Variants in ORC6 observed in about 807,000 individuals in gnomAD.
ORC6 encodes the protein origin recognition complex subunit 6, also known as origin recognition complex, subunit 6 homolog-like (yeast).
Under a neutral mutation model 30.0 loss-of-function variants are expected in ORC6, and 31 were observed. That is an observed-to-expected ratio of 1.03 (90% CI 0.78 to 1.40). ORC6 has a LOEUF of 1.40. ORC6 is among the 40% of genes most tolerant of loss of function. The pLI is 0.00. For missense variants in ORC6, 340 were observed against 304.3 expected (o/e 1.12, Z -0.87); for synonymous variants, 136 against 111.2 (o/e 1.22, Z -1.40).
At position 46,695,622 on chromosome 16, in the gene ORC6, T is replaced by G. The variant is rs1041955399; in HGVS notation, c.510T>G (p.Ala170=). Residue 170 remains alanine (A), a synonymous_variant, in exon 5 of 7, where the codon GCT becomes GCG. Transcript: ENST00000219097. Reference sequence around the variant, plus strand: ...TAGCCACATCCGGTGTAAAAAAAGCTATATTTGATCGACTGTGTAAACAAC... The same window carrying G: ...TAGCCACATCCGGTGTAAAAAAAGCGATATTTGATCGACTGTGTAAACAAC... ...KMVATSGVKK[A]IFDRLCKQLE... 1.2e-6 allele frequency: 2 copies of G among 1,613,784 alleles called. No homozygotes were observed. Among genetic ancestry groups the G allele is most frequent in the Non-Finnish European group, 1.7e-6 (2 of 1,179,802 alleles).
Position 46,691,028 on chromosome 16 carries a change from T to C in ORC6, c.103T>C (p.Cys35Arg), listed in dbSNP as rs1178156604. The C allele has an allele frequency of 2.5e-6, 4 of 1,614,242 alleles. No homozygotes were observed. Among genetic ancestry groups the C allele is most frequent in the Non-Finnish European group, 3.4e-6 (4 of 1,180,028 alleles). ...GTACTTGCGCCTGTCCCGGGTGAAGTGTGTCGGCCTCTCCGCACGCACCAC... is the reference window on the plus strand; with the variant it reads ...GTACTTGCGCCTGTCCCGGGTGAAGCGTGTCGGCCTCTCCGCACGCACCAC... Reference protein sequence around the residue: ...EEYLRLSRVKCVGLSARTTET... With the variant: ...EEYLRLSRVKRVGLSARTTET... The change falls in exon 2 of 7, where the codon TGT becomes CGT. Residue 35 changes from cysteine (C) to arginine (R), a missense_variant. Physicochemically the swap from Cys to Arg is radical, Grantham distance 180. Transcript: ENST00000219097.
intron 4 of ORC6, chr16:46,695,292 C>A: frequency 2.5e-6 from 1 of 395,760 alleles, no homozygotes; most frequent in South Asian, 2.8e-5. Flanking sequence ...CTGAGATTTA[C>A]TAAAGAGTTC....
chr16:46,693,043 T>C (rs777450357), intron 3 of ORC6, 50 bp from the exon 4 acceptor site: 12 of 1,255,022 alleles, frequency 9.6e-6, no homozygotes, highest in African/African-American at 2.9e-5. Context: ...TTCAGTCTCT[T>C]TTCAAATAAT....
rs771379048 is a variant in ORC6 at position 46,689,703 on chromosome 16, G to T, written c.-3G>T. The T allele has an allele frequency of 6.3e-7, 1 of 1,599,866 alleles. No homozygotes were observed. Among genetic ancestry groups the T allele is most frequent in the African/African-American group, 1.3e-5 (1 of 74,932 alleles). On this transcript the variant is annotated 5_prime_UTR_variant, in exon 1 of 7. Coordinates refer to ENST00000219097, the MANE Select transcript of ORC6 (RefSeq NM_014321.4). ...GGGAATTGTTCGCTTTAGTGCCGGC[G>T]CCATGGGGTCGGAGCTGATCGGGCG...
At chr16:46,693,431 A>G (rs911632913) in intron 4 of ORC6, 1 of 555,674 alleles carries the variant, frequency 1.8e-6, no homozygotes, top group Admixed American at 3.1e-5. Flanking sequence ...TTCTGATTTC[A>G]GTCTGCCTTT....
At chr16:46,695,708 G>T in intron 5 of ORC6, 34 bp downstream of exon 5, 1 of 1,332,544 alleles carries the variant, frequency 7.5e-7, no homozygotes, top group South Asian at 1.2e-5. Context: ...TGCGTCATTT[G>T]AAAATGTAGT....
At position 46,697,868 on chromosome 16, in the gene ORC6, A is replaced by C. The variant is rs1306735264; in HGVS notation, c.*283A>C. On this transcript the variant is annotated 3_prime_UTR_variant, in exon 7 of 7. Transcript: ENST00000219097. Reference sequence around the variant, plus strand: ...AGTGGCTCACGCCTGTAATCCCAGCACTTTGGGAGGCCAAGGTGGGTGGAT... The same window carrying C: ...AGTGGCTCACGCCTGTAATCCCAGCCCTTTGGGAGGCCAAGGTGGGTGGAT... 2 of 487,820 alleles carry C rather than the reference A, an allele frequency of 4.1e-6. No homozygotes were observed. The highest frequency in any genetic ancestry group is 1.2e-4 in the East Asian group (2 of 17,276). The allele number at this position is 487,820 out of a possible 1,614,324, so 30.2% of individuals were successfully genotyped here. A position where few individuals can be genotyped will look rare whatever the true frequency, so the allele number is the denominator to read the frequency against.
At chr16:46,691,767 C>T (rs945194220) in intron 2 of ORC6, among the ~76,000 whole-genome samples, 1 of 152,108 alleles carries the variant, frequency 6.6e-6, no homozygotes, top group African/African-American at 2.4e-5. Context: ...AAATGCAATA[C>T]CTTGTTTTTT....
chr16:46,693,352 G>T, intron 4 of ORC6, 170 bp downstream of exon 4: 2 of 626,298 alleles, frequency 3.2e-6, no homozygotes, highest in South Asian at 3.7e-5. Context: ...CCATAATGTA[G>T]CTAACAACTT....
chr16:46,697,202 A>G lies in ORC6; in HGVS notation c.632-256A>G, dbSNP rs148168617. Among the ~76,000 whole-genome samples, 240 of 152,226 alleles carry G rather than the reference A, an allele frequency of 1.6e-3. 1 individual carries two copies. The highest frequency in any genetic ancestry group is 5.6e-3 in the African/African-American group (231 of 41,536). On this transcript the variant is annotated intron_variant, in intron 6 of 6. Transcript: ENST00000219097. ...AAAAGTGATAGCTAAGCTAGGTGTG[A>G]TAGTGTGAGCCTATAGTCCCAGCCA...
rs750652404 is a variant in ORC6 at position 46,697,582 on chromosome 16, G to A, written c.756G>A (p.Glu252=). The A allele has an allele frequency of 1.9e-5, 30 of 1,613,990 alleles. No homozygotes were observed. Among genetic ancestry groups the A allele is most frequent in the Middle Eastern group, 3.3e-4 (2 of 6,084 alleles). Residue 252 remains glutamate (E), a synonymous_variant, in exon 7 of 7, where the codon GAG becomes GAA. Coordinates refer to ENST00000219097, the MANE Select transcript of ORC6 (RefSeq NM_014321.4). Reference sequence around the variant, plus strand: ...CCAGTGCTCAAAAGGCTACAGCAGAGTGATTTCAGCTTCCAAACTGGTATA... The same window carrying A: ...CCAGTGCTCAAAAGGCTACAGCAGAATGATTTCAGCTTCCAAACTGGTATA... ...NAASAQKATA[E]
At chr16:46,693,936 AGTGGAGGGAAG>A (rs1966485396) in intron 4 of ORC6, 1 of 91,268 alleles carries the variant, frequency 1.1e-5, no homozygotes, top group African/African-American at 4.5e-5. Context: ...ATGGGACAAT[AGTGGAGGGAAG>A]GTCAGCAGAT....
chr16:46,696,727 C>G (rs1966521659), intron 6 of ORC6, among the ~76,000 whole-genome samples: 1 of 152,226 alleles, frequency 6.6e-6, no homozygotes, highest in Non-Finnish European at 1.5e-5. Flanking sequence ...ACGGTCTCGG[C>G]TCACTGCAGC....
intron 4 of ORC6, 60 bp from the exon 5 acceptor site, chr16:46,695,502 T>A (rs1035411099): frequency 4.1e-6 from 4 of 985,196 alleles, no homozygotes; most frequent in Non-Finnish European, 4.9e-6. Context: ...ATTATCTGGT[T>A]GCCCAGAGAA....
Position 46,692,374 on chromosome 16 carries a change from T to C in ORC6, c.196-8T>C. 1 of 1,611,010 alleles carries C rather than the reference T, an allele frequency of 6.2e-7. No homozygotes were observed. The highest frequency in any genetic ancestry group is 8.5e-7 in the Non-Finnish European group (1 of 1,177,524). On this transcript the variant is annotated splice_polypyrimidine_tract_variant and splice_region_variant and intron_variant, in intron 2 of 6. Coordinates refer to ENST00000219097, the MANE Select transcript of ORC6 (RefSeq NM_014321.4). ...TTATGATTTGTGTATGTGTTTTTCC[T>C]TTCACAGGCTTATTTAATTAAACTT...
At position 46,696,009 on chromosome 16, in the gene ORC6, T is replaced by G; in HGVS notation, c.563-8T>G. The G allele has an allele frequency of 6.2e-7, 1 of 1,607,206 alleles. No individual in the cohort carries two copies. Among genetic ancestry groups the G allele is most frequent in the South Asian group, 1.1e-5 (1 of 90,936 alleles). ...GAGAAAAATTAACCTTGATAACACT[T>G]CTTAAAGGAGAACCTGGAGATGTAG... On this transcript the variant is annotated splice_region_variant and splice_polypyrimidine_tract_variant and intron_variant, in intron 5 of 6. Transcript: ENST00000219097.
At chr16:46,691,161 C>T (rs755337677) in intron 2 of ORC6, 41 bp downstream of exon 2, 3 of 1,604,400 alleles carry the variant, frequency 1.9e-6, no homozygotes, top group Non-Finnish European at 8.5e-7. Flanking sequence ...TCCAGTGCAA[C>T]ATTGAAGCTC....
intron 4 of ORC6, chr16:46,693,527 C>T (rs891727394): frequency 1.5e-5 from 5 of 344,752 alleles, no homozygotes; most frequent in South Asian, 2.6e-5. Flanking sequence ...TTGGGCCAGG[C>T]GTGGTGGCTC....
At chr16:46,692,610 C>G in intron 3 of ORC6, 65 bp downstream of exon 3, 1 of 1,451,990 alleles carries the variant, frequency 6.9e-7, no homozygotes, top group Non-Finnish European at 9.6e-7. Flanking sequence ...TGGCTCACGC[C>G]TGTAATCCCA....
Sources: gnomAD v4.1 joint callset for allele counts (sites outside exome capture counted in the v4.1 genomes callset) on GRCh38, gnomAD v4.1.1 for gene constraint, MANE v1.5 for transcripts, NCBI Gene and HGNC (gene_info 2026-07-23, HGNC 2026-07-21) for gene names.